FHAD1: variants seen among roughly 807,000 people sequenced by gnomAD.
FHAD1 encodes forkhead-associated domain-containing protein 1.
Under a neutral mutation model 191.3 loss-of-function variants are expected in FHAD1, and 146 were observed. That is an observed-to-expected ratio of 0.76 (90% confidence interval 0.67 to 0.88). The LOEUF is 0.88. Ranked by LOEUF, FHAD1 falls within the 40% of genes least tolerant of loss-of-function variation. FHAD1 has a pLI of 0.00. For missense variants in FHAD1, 1,635 were observed against 1,785.8 expected (o/e 0.92, Z 1.52); for synonymous variants, 616 against 672.3 (o/e 0.92, Z 1.29).
At chr1:15,288,784 T>C (rs559818871) in intron 3 of FHAD1, among the ~76,000 whole-genome samples, 52 of 152,348 alleles carry the variant, frequency 3.4e-4, no homozygotes, top group African/African-American at 1.2e-3. Context: ...GCCTGGCCTG[T>C]GTCCTCCGAG....
chr1:15,285,252 C>T (rs1210696559), intron 3 of FHAD1, among the ~76,000 whole-genome samples: 4 of 152,218 alleles, frequency 2.6e-5, no homozygotes, highest in African/African-American at 9.6e-5. Flanking sequence ...ACAAACAATG[C>T]CGGGCGCTGT....
At chr1:15,305,826 C>A (rs1258549645) in intron 6 of FHAD1, 1 of 422,694 alleles carries the variant, frequency 2.4e-6, no homozygotes, top group Admixed American at 2.7e-5. Context: ...AACTGTAAGT[C>A]CAATTAAATC....
In FHAD1 at chr1:15,367,582, A is replaced by G. The variant is rs1045192899; in HGVS notation, c.3274A>G (p.Lys1092Glu). ...GGCCCAGATGAGCAGCCTGGTAGAAAAGAAAGATCGGGAGCTGAAGGCCCT... is the reference window on the plus strand; with the variant it reads ...GGCCCAGATGAGCAGCCTGGTAGAAGAGAAAGATCGGGAGCTGAAGGCCCT... ...KMAQMSSLVEKKDRELKALEE... is the reference protein window; with the variant it reads ...KMAQMSSLVEEKDRELKALEE... Residue 1092 changes from lysine to glutamate, a missense_variant, in exon 25 of 34, where the codon AAG (lysine) becomes GAG (glutamate). Physicochemically the swap from Lys to Glu is moderately conservative, Grantham distance 56. Transcript: ENST00000688493. The G allele has an allele frequency of 1.3e-6, 2 of 1,549,094 alleles. No individual in the cohort carries two copies. Among genetic ancestry groups the G allele is most frequent in the Non-Finnish European group, 8.7e-7 (1 of 1,146,264 alleles).
intron 2 of FHAD1, among the ~76,000 whole-genome samples, chr1:15,253,969 G>C (rs1647099093): frequency 6.6e-6 from 1 of 152,028 alleles, no homozygotes; most frequent in Non-Finnish European, 1.5e-5. Context: ...TTATCAAATG[G>C]AGAACATTCC....
intron 6 of FHAD1, among the ~76,000 whole-genome samples, chr1:15,306,021 G>T (rs767783313): frequency 6.6e-6 from 1 of 152,232 alleles, no homozygotes; most frequent in Non-Finnish European, 1.5e-5. Context: ...AGAGGAAAAT[G>T]TGGGAAAGTT....
intron 6 of FHAD1, among the ~76,000 whole-genome samples, chr1:15,302,600 C>T (rs1023219729): frequency 6.6e-6 from 1 of 152,074 alleles, no homozygotes; most frequent in Non-Finnish European, 1.5e-5. Flanking sequence ...TGGCGGGCGC[C>T]TGTAGTCCCA....
intron 2 of FHAD1, among the ~76,000 whole-genome samples, chr1:15,258,943 C>T (rs1573717087): frequency 6.6e-6 from 1 of 152,236 alleles, no homozygotes; most frequent in East Asian, 1.9e-4. Context: ...GAAGCAGAAC[C>T]GCCAGATCAG....
intron 3 of FHAD1, among the ~76,000 whole-genome samples, chr1:15,288,178 C>A (rs1182339436): frequency 2.0e-5 from 3 of 152,212 alleles, no homozygotes; most frequent in African/African-American, 7.2e-5. Context: ...CCAAGCCTCA[C>A]TTCTAACAGG....
chr1:15,314,505 C>T (rs1159288643), intron 8 of FHAD1: 2 of 152,182 alleles, frequency 1.3e-5, no homozygotes, highest in South Asian at 2.1e-4. Flanking sequence ...TGCGCTTCCG[C>T]CTCTGCGGCT....
intron 2 of FHAD1, among the ~76,000 whole-genome samples, chr1:15,271,318 TAAAAGACG>T (rs1655883349): frequency 6.6e-6 from 1 of 152,010 alleles, no homozygotes; most frequent in Non-Finnish European, 1.5e-5. Flanking sequence ...GTCTCAAAAA[TAAAAGACG>T]AAGACTTCAG....
At chr1:15,254,250 T>C (rs1647141305) in intron 2 of FHAD1, among the ~76,000 whole-genome samples, 1 of 152,202 alleles carries the variant, frequency 6.6e-6, no homozygotes, top group African/African-American at 2.4e-5. Context: ...TAGAAAACTG[T>C]AGTAATTTTT....
At chr1:15,326,599 C>G (rs1181620054) in intron 11 of FHAD1, 1 of 154,562 alleles carries the variant, frequency 6.5e-6, no homozygotes, top group Non-Finnish European at 1.4e-5. Flanking sequence ...CTTCAGGACT[C>G]TTATGGGCTC....
At chr1:15,330,333 G>A (rs1332013530) in intron 14 of FHAD1, among the ~76,000 whole-genome samples, 1 of 152,206 alleles carries the variant, frequency 6.6e-6, no homozygotes, top group Non-Finnish European at 1.5e-5. Context: ...TCAACAAATA[G>A]TGATTGCATG....
Position 15,308,669 on chromosome 1 carries a change from G to A in FHAD1, c.972G>A (p.Arg324=). ...SKVLCQTLSE[R]NSEITSLKNE... ...TGCTGTGCCAGACCCTGTCAGAGCG[G>A]AACTCAGAAATCACATCCCTGAAGA... Residue 324 remains arginine (R), a synonymous_variant, in exon 7 of 34, where the codon CGG becomes CGA. Coordinates refer to ENST00000688493, the MANE Select transcript of FHAD1 (RefSeq NM_001391957.1). The A allele has an allele frequency of 1.9e-6, 3 of 1,551,730 alleles. No homozygotes were observed. Among genetic ancestry groups the A allele is most frequent in the Non-Finnish European group, 2.6e-6 (3 of 1,147,010 alleles).
chr1:15,247,101 G>A (rs987967863), upstream of FHAD1, among the ~76,000 whole-genome samples: 4 of 152,230 alleles, frequency 2.6e-5, no homozygotes, highest in Non-Finnish European at 5.9e-5. Flanking sequence ...GGGCAGGCTC[G>A]TGGGGCCTGG....
chr1:15,285,326 G>A (rs977462354), intron 3 of FHAD1, among the ~76,000 whole-genome samples: 1 of 152,316 alleles, frequency 6.6e-6, no homozygotes, highest in African/African-American at 2.4e-5. Flanking sequence ...GAGGTCAGGG[G>A]TTGAAGACCA....
rs371448818 is a variant in FHAD1, at chr1:15,334,576, C to T, written c.1907-4905C>T. The T allele has an allele frequency of 1.2e-4, 18 of 152,312 alleles. No individual in the cohort carries two copies. In the East Asian group the frequency reaches 1.5e-3, roughly 13 times the overall value. The allele number at this position is 152,312 out of a possible 1,614,324, so 9.4% of individuals were successfully genotyped here. Reference sequence around the variant, plus strand: ...GTGGCTGCGCCTCCATTTACTTGCTCGTGAAATGGCCATCCAGTCTCCTAG... The same window carrying T: ...GTGGCTGCGCCTCCATTTACTTGCTTGTGAAATGGCCATCCAGTCTCCTAG... On this transcript the variant is annotated intron_variant, in intron 14 of 33. Coordinates refer to ENST00000688493, the MANE Select transcript of FHAD1 (RefSeq NM_001391957.1).
At chr1:15,258,380 A>G (rs1649320625) in intron 2 of FHAD1, among the ~76,000 whole-genome samples, 1 of 152,082 alleles carries the variant, frequency 6.6e-6, no homozygotes, top group Non-Finnish European at 1.5e-5. Flanking sequence ...GGCTTATTTC[A>G]CTTGGCATAA....
intron 4 of FHAD1, among the ~76,000 whole-genome samples, chr1:15,293,611 A>C (rs556300347): frequency 6.6e-6 from 1 of 151,900 alleles, no homozygotes; most frequent in South Asian, 2.1e-4. Context: ...CCAGCTACTC[A>C]GGAGGCTGAG....
Sources: allele counts gnomAD v4.1 joint callset (sites outside exome capture counted in the v4.1 genomes callset), GRCh38; gene constraint gnomAD v4.1.1; transcripts MANE v1.5; gene names NCBI Gene and HGNC (gene_info 2026-07-23, HGNC 2026-07-21).